MCC: variants seen among roughly 807,000 people sequenced by gnomAD.
The protein encoded by MCC is colorectal mutant cancer protein.
In MCC, 90 loss-of-function variants were observed where a neutral mutation model predicts 116.2. The observed-to-expected ratio is 0.77, with a 90% CI of 0.65 to 0.92. The LOEUF (loss-of-function observed/expected upper bound fraction) is 0.92, where lower values mean the gene tolerates loss of function less well. Ranked by LOEUF, MCC falls within the 40% of genes least tolerant of loss-of-function variation. The pLI, the probability that MCC is intolerant of heterozygous loss-of-function variation, is 0.00. For synonymous variants in MCC, 578 were observed against 510.5 expected, an observed-to-expected ratio of 1.13 and a Z score of -1.78; for missense variants, 1,516 against 1,312.2, an observed-to-expected ratio of 1.16 and a Z score of -2.40.
At chr5:113,265,017 G>T (rs1242022828) in intron 3 of MCC, among the ~76,000 whole-genome samples, 1 of 152,028 alleles carries the variant, frequency 6.6e-6, no homozygotes, top group Non-Finnish European at 1.5e-5. Context: ...CTCTAGCCTG[G>T]AGGCAGAGCA....
At chr5:113,462,444 C>T (rs998205996) in intron 1 of MCC, among the ~76,000 whole-genome samples, 6 of 151,892 alleles carry the variant, frequency 4.0e-5, no homozygotes, top group African/African-American at 7.3e-5. Context: ...TCATTCCAGT[C>T]GAAACAACAC....
At chr5:113,050,451 GGA>G in intron 15 of MCC, among the ~76,000 whole-genome samples, 1 of 152,264 alleles carries the variant, frequency 6.6e-6, no homozygotes, top group Middle Eastern at 3.4e-3. Context: ...TGGGTAAGTT[GGA>G]CTAGGGGGTA....
intron 1 of MCC, among the ~76,000 whole-genome samples, chr5:113,469,851 T>C (rs1312327313): frequency 2.6e-5 from 4 of 152,232 alleles, no homozygotes; most frequent in Non-Finnish European, 4.4e-5. Context: ...ACTTGCTTTA[T>C]GAATCTGGGT....
chr5:113,417,852 G>A lies in MCC; in HGVS notation c.171-32640C>T, dbSNP rs538964639. 2.0e-5 allele frequency among the ~76,000 whole-genome samples: 3 copies of A among 151,994 alleles called. No individual in the cohort carries two copies. The South Asian group carries it at 6.2e-4, about 32-fold the overall frequency. On this transcript the variant is annotated intron_variant, in intron 1 of 18. Coordinates refer to ENST00000408903, the MANE Select transcript of MCC (RefSeq NM_001085377.2). ...GCTGAGGTAGGAGGATCACTCACTT[G>A]AGTCCGGGAGATCAAGGCTACAGTG...
chr5:113,203,966 T>G (rs560912417), intron 3 of MCC, among the ~76,000 whole-genome samples: 1 of 152,214 alleles, frequency 6.6e-6, no homozygotes, highest in African/African-American at 2.4e-5. Context: ...TGAGGAGAGA[T>G]GCCGGACGCC....
intron 1 of MCC, among the ~76,000 whole-genome samples, chr5:113,448,854 T>C (rs936089578): frequency 6.6e-6 from 1 of 152,202 alleles, no homozygotes; most frequent in Non-Finnish European, 1.5e-5. Context: ...GCTCCACAAA[T>C]AGAGGTATAA....
At chr5:113,040,330 A>G (rs1751613545) in intron 17 of MCC, among the ~76,000 whole-genome samples, 1 of 152,004 alleles carries the variant, frequency 6.6e-6, no homozygotes, top group African/African-American at 2.4e-5. Flanking sequence ...AGTGACTGAA[A>G]TGTCACAGGG....
At chr5:113,203,526 C>T (rs1370825854) in intron 3 of MCC, among the ~76,000 whole-genome samples, 16 of 151,814 alleles carry the variant, frequency 1.1e-4, no homozygotes, top group Non-Finnish European at 1.8e-4. Flanking sequence ...CTGACCTGCC[C>T]GGGGGGCCAC....
intron 3 of MCC, among the ~76,000 whole-genome samples, chr5:113,219,318 A>G (rs1763452137): frequency 6.6e-6 from 1 of 152,220 alleles, no homozygotes; most frequent in Non-Finnish European, 1.5e-5. Context: ...GCCCTTGGCA[A>G]TGAATTCTGG....
chr5:113,472,801 G>A (rs1772129145), intron 1 of MCC, among the ~76,000 whole-genome samples: 1 of 152,218 alleles, frequency 6.6e-6, no homozygotes. Context: ...AAGCATGTAA[G>A]CATATGGTTA....
intron 1 of MCC, among the ~76,000 whole-genome samples, chr5:113,420,058 AG>A (rs1446540036): frequency 6.6e-6 from 1 of 151,176 alleles, no homozygotes; most frequent in Non-Finnish European, 1.5e-5. Context: ...AAAAAAGAAA[AG>A]AAAAAAAGGT....
chr5:113,196,760 A>G (rs1762433208), intron 3 of MCC, among the ~76,000 whole-genome samples: 1 of 152,114 alleles, frequency 6.6e-6, no homozygotes, highest in Non-Finnish European at 1.5e-5. Flanking sequence ...GAGGCAGGAG[A>G]ATCGCTTGAA....
chr5:113,151,554 G>C, intron 3 of MCC, 132 bp from the exon 4 acceptor site: 2 of 613,270 alleles, frequency 3.3e-6, no homozygotes, highest in Non-Finnish European at 2.9e-6. Flanking sequence ...ATGAAGGTAA[G>C]TGTTATGAGT....
intron 17 of MCC, among the ~76,000 whole-genome samples, chr5:113,030,800 G>A (rs1318411685): frequency 3.9e-5 from 6 of 152,210 alleles, no homozygotes; most frequent in African/African-American, 1.4e-4. Flanking sequence ...GTGAATATCT[G>A]ACACTGTAAT....
At chr5:113,221,201 CATAAAAGAAA>C (rs1158954519) in intron 3 of MCC, among the ~76,000 whole-genome samples, 1 of 152,140 alleles carries the variant, frequency 6.6e-6, no homozygotes, top group Non-Finnish European at 1.5e-5. Context: ...GAGACGCTGT[CATAAAAGAAA>C]ATAAGAGAAA....
At chr5:113,315,875 C>G (rs1007414365) in intron 3 of MCC, among the ~76,000 whole-genome samples, 14 of 151,702 alleles carry the variant, frequency 9.2e-5, no homozygotes, top group Non-Finnish European at 1.9e-4. Context: ...GAGACCCTGT[C>G]TCAAAAAAAA....
intron 3 of MCC, among the ~76,000 whole-genome samples, chr5:113,272,810 C>G (rs1438936347): frequency 2.0e-5 from 3 of 152,200 alleles, no homozygotes; most frequent in African/African-American, 7.2e-5. Flanking sequence ...CATTACTCTG[C>G]TATCGTATCT....
At chr5:113,095,107 T>G (rs1430269181) in intron 8 of MCC, among the ~76,000 whole-genome samples, 1 of 152,158 alleles carries the variant, frequency 6.6e-6, no homozygotes, top group African/African-American at 2.4e-5. Context: ...CATGTAGCAT[T>G]AGAATGCCAG....
chr5:113,361,696 G>A (rs1222583122), intron 2 of MCC, among the ~76,000 whole-genome samples: 4 of 152,184 alleles, frequency 2.6e-5, no homozygotes, highest in African/African-American at 9.6e-5. Context: ...GACTGAGTAA[G>A]GAAGATCTGC....
Sources: gnomAD v4.1 joint callset for allele counts (sites outside exome capture counted in the v4.1 genomes callset) on GRCh38, gnomAD v4.1.1 for gene constraint, MANE v1.5 for transcripts, NCBI Gene and HGNC (gene_info 2026-07-23, HGNC 2026-07-21) for gene names.